Variants in HACD2 observed in about 807,000 individuals in gnomAD.
The protein encoded by HACD2 is very-long-chain (3R)-3-hydroxyacyl-CoA dehydratase 2.
HACD2 carries 15 observed loss-of-function variants against 31.0 expected under a neutral mutation model. The ratio of observed to expected loss-of-function variants is 0.48; its 90% CI spans 0.32 to 0.75. The LOEUF is 0.75. Among genes scored for constraint, HACD2 ranks in the 30% least tolerant of loss-of-function variants. HACD2 has a pLI of 0.03. For synonymous variants in HACD2, 115 were observed against 122.2 expected (o/e 0.94, Z 0.39); for missense variants, 283 against 313.0 (o/e 0.90, Z 0.72).
At chr3:123,518,277 G>C (rs1046868228) in intron 4 of HACD2, among the ~76,000 whole-genome samples, 2 of 151,814 alleles carry the variant, frequency 1.3e-5, no homozygotes, top group African/African-American at 4.9e-5. Flanking sequence ...CTAGATTTCT[G>C]CCTTTTCTCA....
chr3:123,558,963 C>A (rs968818972), intron 3 of HACD2, among the ~76,000 whole-genome samples: 1 of 152,152 alleles, frequency 6.6e-6, no homozygotes, highest in African/African-American at 2.4e-5. Context: ...TCAAGCAAAT[C>A]AAACTCATGT....
At chr3:123,548,170 G>A (rs571620741) in intron 3 of HACD2, among the ~76,000 whole-genome samples, 2 of 152,122 alleles carry the variant, frequency 1.3e-5, no homozygotes, top group South Asian at 4.2e-4. Flanking sequence ...GGCGTGATGT[G>A]GGCTTAGTAA....
intron 2 of HACD2, among the ~76,000 whole-genome samples, chr3:123,575,110 A>G (rs947839951): frequency 7.0e-6 from 1 of 143,594 alleles, no homozygotes; most frequent in South Asian, 2.2e-4. Context: ...AAGAATTTTC[A>G]TTTTTTTTTT....
intron 6 of HACD2, among the ~76,000 whole-genome samples, chr3:123,498,292 G>C (rs145868745): frequency 6.6e-6 from 1 of 152,330 alleles, no homozygotes; most frequent in East Asian, 1.9e-4. Flanking sequence ...AAGAAATTAT[G>C]TTAGACTTTA....
chr3:123,575,154 A>T (rs956793783), intron 2 of HACD2, among the ~76,000 whole-genome samples: 3 of 151,186 alleles, frequency 2.0e-5, no homozygotes, highest in Non-Finnish European at 4.4e-5. Flanking sequence ...TGTCTCCTAG[A>T]CTTGGAGTGC....
At chr3:123,540,684 C>T (rs576277312) in intron 3 of HACD2, among the ~76,000 whole-genome samples, 3 of 152,132 alleles carry the variant, frequency 2.0e-5, no homozygotes, top group African/African-American at 4.8e-5. Flanking sequence ...GTGTTTTAAA[C>T]CAGATTGTTA....
chr3:123,541,582 G>A (rs1180233181), intron 3 of HACD2, among the ~76,000 whole-genome samples: 1 of 152,142 alleles, frequency 6.6e-6, no homozygotes, highest in Non-Finnish European at 1.5e-5. Context: ...TAAATATGGT[G>A]CTTTTTTACT....
At chr3:123,516,936 T>A (rs1042305788) in intron 4 of HACD2, among the ~76,000 whole-genome samples, 1 of 152,184 alleles carries the variant, frequency 6.6e-6, no homozygotes, top group Non-Finnish European at 1.5e-5. Context: ...ATCAAACAGA[T>A]CTCCAGACTT....
At chr3:123,547,293 C>T (rs1165096477) in intron 3 of HACD2, among the ~76,000 whole-genome samples, 1 of 152,128 alleles carries the variant, frequency 6.6e-6, no homozygotes, top group Non-Finnish European at 1.5e-5. Context: ...AGCAAATCAG[C>T]CCCAGATCTA....
chr3:123,534,029 A>AGTGT (rs62840760), intron 3 of HACD2, among the ~76,000 whole-genome samples: 15,887 of 149,860 alleles, frequency 0.11, 1,177 homozygotes, highest in African/African-American at 0.21. Context: ...AACATAGTGG[A>AGTGT]GTGTGTGTGT....
chr3:123,520,746 GATTCACTTACTGGTGACTCCCCACTGA>G (rs374575564), intron 4 of HACD2, among the ~76,000 whole-genome samples: 118 of 152,228 alleles, frequency 7.8e-4, no homozygotes, highest in African/African-American at 2.8e-3. Context: ...TGAATGTCAG[GATTCACTTACTGGTGACTCCCCACTGA>G]TAATACAACT....
At chr3:123,584,204 G>C (rs1210983009) in intron 1 of HACD2, among the ~76,000 whole-genome samples, 1 of 152,088 alleles carries the variant, frequency 6.6e-6, no homozygotes. Flanking sequence ...AAACCCGCCG[G>C]GATAAGGGAT....
intron 6 of HACD2, among the ~76,000 whole-genome samples, chr3:123,495,644 C>A (rs995229364): frequency 2.0e-5 from 3 of 151,142 alleles, no homozygotes; most frequent in African/African-American, 7.3e-5. Context: ...GTGTCTTAGG[C>A]ACTGGGGATT....
chr3:123,507,123 G>A (rs1364938428), intron 4 of HACD2, among the ~76,000 whole-genome samples: 2 of 152,130 alleles, frequency 1.3e-5, no homozygotes, highest in Non-Finnish European at 1.5e-5. Context: ...CAGGGTGGTG[G>A]TGCACACCTG....
At chr3:123,530,149 C>A (rs759027628) in intron 3 of HACD2, among the ~76,000 whole-genome samples, 4 of 151,974 alleles carry the variant, frequency 2.6e-5, no homozygotes, top group African/African-American at 4.8e-5. Context: ...TACCTAGGCA[C>A]CTGTAAGGAA....
At chr3:123,507,488 T>C (rs2055991953) in intron 4 of HACD2, among the ~76,000 whole-genome samples, 1 of 152,170 alleles carries the variant, frequency 6.6e-6, no homozygotes, top group Non-Finnish European at 1.5e-5. Flanking sequence ...AAACATCATG[T>C]TGAATGAAAG....
intron 4 of HACD2, among the ~76,000 whole-genome samples, chr3:123,521,885 T>C (rs190607227): frequency 5.9e-5 from 9 of 152,284 alleles, no homozygotes; most frequent in Admixed American, 1.3e-4. Context: ...TTCTTTTACA[T>C]GTAACTAACT....
chr3:123,525,531 C>T (rs186063625), intron 4 of HACD2, among the ~76,000 whole-genome samples: 11 of 152,142 alleles, frequency 7.2e-5, no homozygotes, highest in Admixed American at 5.9e-4. Context: ...AGGAAATATA[C>T]CTCACGTGAA....
chr3:123,578,127 T>C (rs1266262022), intron 2 of HACD2, among the ~76,000 whole-genome samples: 1 of 152,240 alleles, frequency 6.6e-6, no homozygotes, highest in East Asian at 1.9e-4. Context: ...ATCATACTAT[T>C]TGTGACTTTT....
Sources: gnomAD v4.1 joint callset for allele counts (sites outside exome capture counted in the v4.1 genomes callset) on GRCh38, gnomAD v4.1.1 for gene constraint, MANE v1.5 for transcripts, NCBI Gene and HGNC (gene_info 2026-07-23, HGNC 2026-07-21) for gene names.